Variants in PTPRF observed in about 807,000 individuals in gnomAD.
PTPRF encodes the protein protein tyrosine phosphatase receptor type F.
A neutral mutation model predicts 201.8 loss-of-function variants in PTPRF; 59 were observed. The observed-to-expected ratio is 0.29, with a 90% CI of 0.24 to 0.36. The LOEUF is 0.36. Ranked by LOEUF, PTPRF falls within the 10% of genes least tolerant of loss-of-function variation. The pLI, the probability that PTPRF is intolerant of heterozygous loss-of-function variation, is 1.00. For missense variants in PTPRF, 2,132 were observed against 2,690.5 expected (o/e 0.79, Z 4.59); for synonymous variants, 1,088 against 1,089.7 (o/e 1.00, Z 0.03).
In PTPRF at chr1:43,538,605, T is replaced by G. The variant is rs75966278; in HGVS notation, c.-46+328T>G. Reference sequence around the variant, plus strand: ...GGCTGGAGTGGATGATAGAGGTGGATGGGGAATGACATACAGCTCGTCAGC... The same window carrying G: ...GGCTGGAGTGGATGATAGAGGTGGAGGGGGAATGACATACAGCTCGTCAGC... On this transcript the variant is annotated intron_variant, in intron 2 of 33. Coordinates refer to ENST00000359947, the MANE Select transcript of PTPRF (RefSeq NM_002840.5). 4.3e-3 allele frequency among the ~76,000 whole-genome samples: 654 copies of G among 152,218 alleles called. 21 individuals are homozygous for G. The East Asian group carries it at 0.084, about 19-fold the overall frequency.
At chr1:43,620,613 G>A (rs1179900186) in intron 31 of PTPRF, 34 bp downstream of exon 31, 5 of 1,605,318 alleles carry the variant, frequency 3.1e-6, no homozygotes, top group Non-Finnish European at 3.4e-6. Context: ...CCATAACGCT[G>A]CCTGTCCACA....
At position 43,603,801 on chromosome 1, in the gene PTPRF, C is replaced by G. The variant is rs1380026703; in HGVS notation, c.2649C>G (p.His883Gln). The G allele has an allele frequency of 6.2e-7, 1 of 1,614,156 alleles. No individual in the cohort carries two copies. Reference protein sequence around the residue: ...DDQHFTVTGLHKGTTYIFRLA... With the variant: ...DDQHFTVTGLQKGTTYIFRLA... ...AGCACTTCACAGTCACCGGCCTGCA[C>G]AAGGGGACCACCTACATCTTCCGGC... The change falls in exon 16 of 34, where the codon CAC becomes CAG. Residue 883 changes from histidine to glutamine, a missense_variant. Transcript: ENST00000359947. This position sits in a 1 kb window ranked among gnomAD's most constrained non-coding sequence, Gnocchi z 5.8.
chr1:43,562,166 T>C (rs1645849910), intron 5 of PTPRF, among the ~76,000 whole-genome samples: 1 of 152,098 alleles, frequency 6.6e-6, no homozygotes, highest in African/African-American at 2.4e-5. Context: ...TGGAGTGCGG[T>C]GGCACAATCT....
chr1:43,588,922 G>A lies in PTPRF; in HGVS notation c.871G>A (p.Val291Ile), dbSNP rs765219893. The A allele has an allele frequency of 1.6e-5, 26 of 1,608,524 alleles. No homozygotes were observed. The African/African-American group carries it at 2.0e-4, about 12-fold the overall frequency. The change falls in exon 8 of 34, where the codon GTA (valine) becomes ATA (isoleucine). Residue 291 changes from valine to isoleucine, a missense_variant. By Grantham distance (29) the Val-to-Ile change is conservative. Around this residue, in one of 6 missense-constraint regions of PTPRF, gnomAD observed 297 missense variants for 454.0 expected, o/e 0.65. Coordinates refer to ENST00000359947, the MANE Select transcript of PTPRF (RefSeq NM_002840.5). The surrounding 1 kb of genome is among the most constrained non-coding windows in gnomAD (Gnocchi z 5.3). Reference sequence around the variant, plus strand: ...CAACGTCCTGGAGCTCAGCAATGTCGTACGCTCTGCCAACTACACCTGTGT... The same window carrying A: ...CAACGTCCTGGAGCTCAGCAATGTCATACGCTCTGCCAACTACACCTGTGT... ...GRNVLELSNV[V>I]RSANYTCVAI...
chr1:43,570,724 A>G (rs930875548), intron 6 of PTPRF, among the ~76,000 whole-genome samples: 31 of 152,230 alleles, frequency 2.0e-4, no homozygotes. Flanking sequence ...AGGAGGAGGG[A>G]GAGACAAGCT....
intron 3 of PTPRF, among the ~76,000 whole-genome samples, chr1:43,551,816 A>G (rs369296954): frequency 3.3e-5 from 5 of 152,292 alleles, no homozygotes; most frequent in Admixed American, 6.5e-5. Flanking sequence ...CATTCCATCT[A>G]TGACAGAATC....
chr1:43,594,965 C>T (rs981307437), intron 11 of PTPRF, among the ~76,000 whole-genome samples: 8 of 152,104 alleles, frequency 5.3e-5, no homozygotes, highest in Non-Finnish European at 7.4e-5. Flanking sequence ...AAGAACTAGA[C>T]GAGATGCTGC....
chr1:43,616,426 G>A (rs573210398), intron 23 of PTPRF, among the ~76,000 whole-genome samples: 1 of 152,044 alleles, frequency 6.6e-6, no homozygotes, highest in African/African-American at 2.4e-5. Context: ...TATTCTGGCT[G>A]TGGGGCTGAG....
intron 3 of PTPRF, among the ~76,000 whole-genome samples, chr1:43,547,647 G>T (rs6689173): frequency 1.3e-5 from 2 of 152,258 alleles, no homozygotes; most frequent in South Asian, 2.1e-4. Flanking sequence ...GCAGTGAAGC[G>T]CGGAGTGGAC....
rs146715335 is a variant in PTPRF, at chr1:43,548,628, A to G, written c.91+3462A>G. 2.5e-4 allele frequency among the ~76,000 whole-genome samples: 38 copies of G among 152,194 alleles called. No individual in the cohort carries two copies. In the East Asian group the frequency reaches 7.2e-3, roughly 29 times the overall value. ...ATGAGGTGCCTGGAACCTAGTATGT[A>G]TTCCCCTTATCTGAGGCCATGACCT... On this transcript the variant is annotated intron_variant, in intron 3 of 33. Transcript: ENST00000359947.
In PTPRF at chr1:43,603,124, A is replaced by T. The variant is rs6672061; in HGVS notation, c.2341-292A>T. Among the ~76,000 whole-genome samples the T allele has an allele frequency of 0.37, 56,127 of 152,106 alleles. 10,751 individuals carry two copies. Among genetic ancestry groups the T allele is most frequent in the East Asian group, 0.56 (2,903 of 5,154 alleles). ...CTGTTGATATCCTCAGTCTCCGTTC[A>T]CAGCACAGTGGAGTGAGGGAAACAG... On this transcript the variant is annotated intron_variant, in intron 14 of 33. Transcript: ENST00000359947. This position sits in a 1 kb window ranked among gnomAD's most constrained non-coding sequence, Gnocchi z 5.8.
At position 43,603,867 on chromosome 1, in the gene PTPRF, G is replaced by A. The variant is rs1244451435; in HGVS notation, c.2715G>A (p.Glu905=). The A allele has an allele frequency of 1.2e-6, 2 of 1,613,976 alleles. No homozygotes were observed. Among genetic ancestry groups the A allele is most frequent in the Non-Finnish European group, 1.7e-6 (2 of 1,180,044 alleles). ...GGGCTGGCTTGGGTGAGGAGTTCGAGAAGGAGATCAGGACCCCCGAGGACC... is the reference window on the plus strand; with the variant it reads ...GGGCTGGCTTGGGTGAGGAGTTCGAAAAGGAGATCAGGACCCCCGAGGACC... The part of the protein sequence containing the change: ...KNRAGLGEEF[E]KEIRTPEDLP... The change falls in exon 16 of 34, where the codon GAG becomes GAA. Residue 905 remains glutamate (E), a synonymous_variant. Transcript: ENST00000359947. The surrounding 1 kb of genome is among the most constrained non-coding windows in gnomAD (Gnocchi z 5.8).
At chr1:43,583,035 C>T in intron 7 of PTPRF, 10 of 980,066 alleles carry the variant, frequency 1.0e-5, no homozygotes, top group Non-Finnish European at 1.1e-5. Flanking sequence ...TTATTCCCTC[C>T]TCATCTTCAT....
rs920354366 is a variant in PTPRF at position 43,588,221 on chromosome 1, G to A, written c.680-510G>A. Among the ~76,000 whole-genome samples, 16 of 152,276 alleles carry A rather than the reference G, an allele frequency of 1.1e-4. No individual in the cohort carries two copies. Among genetic ancestry groups the A allele is most frequent in the African/African-American group, 3.9e-4 (16 of 41,556 alleles). On this transcript the variant is annotated intron_variant, in intron 7 of 33. Transcript: ENST00000359947. The surrounding 1 kb of genome is among the most constrained non-coding windows in gnomAD (Gnocchi z 5.3). ...CCTCAGGCCATGGCCTGGAGGTGGAGGCAGTGACTCCACGGCAGGTGGCTG... is the reference window on the plus strand; with the variant it reads ...CCTCAGGCCATGGCCTGGAGGTGGAAGCAGTGACTCCACGGCAGGTGGCTG...
chr1:43,607,463 T>C (rs1655397507), intron 21 of PTPRF, among the ~76,000 whole-genome samples: 1 of 152,158 alleles, frequency 6.6e-6, no homozygotes, highest in Non-Finnish European at 1.5e-5. Flanking sequence ...GCCCGTGCCA[T>C]CCGCAGCGGC....
At chr1:43,561,690 A>G (rs1645816092) in intron 5 of PTPRF, among the ~76,000 whole-genome samples, 1 of 152,108 alleles carries the variant, frequency 6.6e-6, no homozygotes, top group Non-Finnish European at 1.5e-5. Flanking sequence ...TAGATTTCAG[A>G]TCCACGCAGA....
At chr1:43,590,029 G>A (rs555620929) in intron 8 of PTPRF, among the ~76,000 whole-genome samples, 2 of 152,264 alleles carry the variant, frequency 1.3e-5, no homozygotes, top group African/African-American at 2.4e-5. Flanking sequence ...GTGGCTTCCC[G>A]TTGTTTTAGG....
chr1:43,622,405 G>T lies in PTPRF; in HGVS notation c.*402G>T. On this transcript the variant is annotated 3_prime_UTR_variant, in exon 34 of 34. Transcript: ENST00000359947. ...TTTTTCCTTTCGCGAATCCGTATCT[G>T]CAGAATGGGCCACTGTAGGGGTTGG... The T allele has an allele frequency of 5.1e-6, 1 of 195,328 alleles. No individual in the cohort carries two copies. The highest frequency in any genetic ancestry group is 1.0e-5 in the Non-Finnish European group (1 of 96,568). 12.1% of individuals were successfully genotyped at this position (195,328 alleles called of 1,614,324 possible).
At chr1:43,578,724 C>A (rs868782444) in intron 6 of PTPRF, 86 bp from the exon 7 acceptor site, 2 of 979,998 alleles carry the variant, frequency 2.0e-6, no homozygotes, top group Non-Finnish European at 3.2e-6. Flanking sequence ...TCAACATCAG[C>A]CACAGATGCT....
Sources: gnomAD v4.1 joint callset for allele counts (sites outside exome capture counted in the v4.1 genomes callset) on GRCh38, gnomAD v4.1.1 for gene constraint, gnomAD v4.1.1 regional missense constraint, Gnocchi (gnomAD v3.1) non-coding constraint, MANE v1.5 for transcripts, NCBI Gene and HGNC (gene_info 2026-07-23, HGNC 2026-07-21) for gene names.